Variants in ANKRD11 observed in about 807,000 individuals in gnomAD.
ANKRD11 encodes ankyrin repeat domain 11, also known as ankyrin repeat domain-containing protein 11.
ANKRD11 carries 17 observed loss-of-function variants against 195.7 expected under a neutral mutation model. That is an observed-to-expected ratio of 0.09 (90% CI 0.06 to 0.13). The LOEUF (loss-of-function observed/expected upper bound fraction) is 0.13. ANKRD11 is among the 10% of genes least tolerant of loss of function. The probability of loss-of-function intolerance (pLI) is 1.00; values close to 1 mark genes in which losing one functional copy is unlikely to be tolerated. For missense variants in ANKRD11, 3,735 were observed against 3,566.1 expected (o/e 1.05, Z -1.21); for synonymous variants, 1,953 against 1,528.1 (o/e 1.28, Z -6.49).
chr16:89,374,508 T>A (rs1000737401), intron 2 of ANKRD11, among the ~76,000 whole-genome samples: 9 of 152,208 alleles, frequency 5.9e-5, no homozygotes, highest in Non-Finnish European at 1.0e-4. Flanking sequence ...CCCTGCTCTG[T>A]GAGAGAATTC....
At position 89,341,962 on chromosome 16, in the gene ANKRD11, C is replaced by T. The variant is rs535834102; in HGVS notation, c.-59-24884G>A. On this transcript the variant is annotated intron_variant, in intron 2 of 12. Coordinates refer to ENST00000301030, the MANE Select transcript of ANKRD11 (RefSeq NM_013275.6). ...CCTCCTCCACGAACAGCAGCCACGG[C>T]CCATGGCAGGAGTGCTGCACCTCCA... Among the ~76,000 whole-genome samples the T allele has an allele frequency of 4.7e-5, 7 of 149,962 alleles. No individual in the cohort carries two copies. The East Asian group carries it at 1.4e-3, about 30-fold the overall frequency.
At chr16:89,310,767 T>C (rs1203882639) in intron 3 of ANKRD11, among the ~76,000 whole-genome samples, 3 of 152,268 alleles carry the variant, frequency 2.0e-5, no homozygotes, top group South Asian at 4.1e-4. Context: ...AATACACTTC[T>C]GCATAATGGG....
chr16:89,353,799 A>G (rs2039333112), intron 2 of ANKRD11, among the ~76,000 whole-genome samples: 1 of 152,168 alleles, frequency 6.6e-6, no homozygotes, highest in Non-Finnish European at 1.5e-5. Context: ...ATCTTATGGA[A>G]CATAATGTTT....
At chr16:89,413,021 C>T (rs752872917) in intron 2 of ANKRD11, among the ~76,000 whole-genome samples, 30 of 152,136 alleles carry the variant, frequency 2.0e-4, no homozygotes, top group African/African-American at 2.9e-4. Flanking sequence ...GTTCCAAACC[C>T]TCCCCCAGGC....
intron 1 of ANKRD11, among the ~76,000 whole-genome samples, chr16:89,436,011 C>A (rs913089476): frequency 3.3e-5 from 5 of 152,190 alleles, no homozygotes; most frequent in Non-Finnish European, 7.3e-5. Flanking sequence ...CTGCTGAGAG[C>A]AGAGGGTTTT....
At chr16:89,328,845 G>C (rs866944443) in intron 2 of ANKRD11, 1 of 126,694 alleles carries the variant, frequency 7.9e-6, no homozygotes, top group African/African-American at 3.2e-5. Context: ...ATACCCAGGA[G>C]CACGGGCGAA....
chr16:89,377,564 A>G (rs1220696708), intron 2 of ANKRD11, among the ~76,000 whole-genome samples: 1 of 152,208 alleles, frequency 6.6e-6, no homozygotes, highest in African/African-American at 2.4e-5. Context: ...AAATTAGAAG[A>G]CAACCTGGTG....
chr16:89,372,307 G>A (rs939252676), intron 2 of ANKRD11, among the ~76,000 whole-genome samples: 5 of 152,344 alleles, frequency 3.3e-5, no homozygotes, highest in Middle Eastern at 3.4e-3. Context: ...CGGAGGCGGC[G>A]GCAGCGCCCA....
chr16:89,449,770 G>A (rs1468663432), intron 1 of ANKRD11, among the ~76,000 whole-genome samples: 1 of 152,144 alleles, frequency 6.6e-6, no homozygotes, highest in Admixed American at 6.5e-5. Context: ...TCCAGCCTGG[G>A]CAACAAAAGC....
At chr16:89,482,705 T>C (rs376733410) in intron 1 of ANKRD11, among the ~76,000 whole-genome samples, 17 of 152,194 alleles carry the variant, frequency 1.1e-4, no homozygotes, top group East Asian at 7.7e-4. Flanking sequence ...GGCGGGAGGA[T>C]TGATTGAGCC....
Position 89,441,692 on chromosome 16 carries a change from A to G in ANKRD11, c.-144-23324T>C, listed in dbSNP as rs541514096. Among the ~76,000 whole-genome samples, 300 of 139,020 alleles carry G rather than the reference A, an allele frequency of 2.2e-3. 3 individuals are homozygous for G. Among genetic ancestry groups the G allele is most frequent in the Middle Eastern group, 0.015 (4 of 262 alleles). 91.2% of individuals were successfully genotyped at this position (139,020 alleles called of 152,430 possible). A position where few individuals can be genotyped will look rare whatever the true frequency, so the allele number is the denominator to read the frequency against. ...TGAGGCAGGAGAATGGCATGAACCC[A>G]GGAGGCGGACTATGCAGTGAGCCAA... On this transcript the variant is annotated intron_variant, in intron 1 of 12. Transcript: ENST00000301030.
At chr16:89,343,535 C>G (rs1597720593) in intron 2 of ANKRD11, 1 of 152,228 alleles carries the variant, frequency 6.6e-6, no homozygotes, top group Non-Finnish European at 1.5e-5. Flanking sequence ...TCGAGGTGGG[C>G]TGGAGGCATG....
chr16:89,385,737 T>C (rs188793638), intron 2 of ANKRD11, among the ~76,000 whole-genome samples: 1 of 152,380 alleles, frequency 6.6e-6, no homozygotes, highest in East Asian at 1.9e-4. Context: ...TCAGCACCAC[T>C]TTCACGTCTG....
intron 2 of ANKRD11, among the ~76,000 whole-genome samples, chr16:89,364,838 C>A (rs1353433774): frequency 1.2e-4 from 19 of 152,196 alleles, no homozygotes; most frequent in Non-Finnish European, 5.9e-5. Flanking sequence ...GCACCACGGC[C>A]AACCTGATCC....
rs943160633 is a variant in ANKRD11 at position 89,279,853 on chromosome 16, C to G, written c.6689G>C (p.Arg2230Thr). Residue 2230 changes from arginine (R) to threonine (T), a missense_variant, in exon 9 of 13, where the codon AGG becomes ACG. Coordinates refer to ENST00000301030, the MANE Select transcript of ANKRD11 (RefSeq NM_013275.6). The surrounding 1 kb of genome is among the most constrained non-coding windows in gnomAD (Gnocchi z 5.6). ...GCTGGAGTCCGGATCCCCACGGGCC[C>G]TCTCTTCCGGCACCGTCTCCGCCTC... ...AVEAETVPEERARGDPDSSVE... is the reference protein window; with the variant it reads ...AVEAETVPEETARGDPDSSVE... 6.4e-7 allele frequency: 1 copy of G among 1,553,102 alleles called. No homozygotes were observed. Among genetic ancestry groups the G allele is most frequent in the South Asian group, 1.2e-5 (1 of 85,016 alleles).
At chr16:89,312,800 C>T (rs1026800434) in intron 3 of ANKRD11, among the ~76,000 whole-genome samples, 1 of 152,226 alleles carries the variant, frequency 6.6e-6, no homozygotes, top group African/African-American at 2.4e-5. Context: ...AAACCACAGC[C>T]TGAGGTGGGA....
At chr16:89,369,215 G>C (rs2040085197) in intron 2 of ANKRD11, among the ~76,000 whole-genome samples, 1 of 152,156 alleles carries the variant, frequency 6.6e-6, no homozygotes, top group African/African-American at 2.4e-5. Flanking sequence ...AATCTTCAAA[G>C]GGCTGGTCTC....
intron 4 of ANKRD11, chr16:89,301,214 C>T (rs2035835171): frequency 2.4e-6 from 1 of 412,746 alleles, no homozygotes; most frequent in Non-Finnish European, 4.3e-6. Context: ...TCAAGGGATC[C>T]TCCCGCCAAA....
chr16:89,478,576 T>C (rs1001095489), intron 1 of ANKRD11, among the ~76,000 whole-genome samples: 1 of 152,124 alleles, frequency 6.6e-6, no homozygotes, highest in Admixed American at 6.5e-5. Context: ...ATCATACAAA[T>C]GTGTCCCTTT....
Sources: gnomAD v4.1 joint callset for allele counts (sites outside exome capture counted in the v4.1 genomes callset) on GRCh38, gnomAD v4.1.1 for gene constraint, Gnocchi (gnomAD v3.1) non-coding constraint, MANE v1.5 for transcripts, NCBI Gene and HGNC (gene_info 2026-07-23, HGNC 2026-07-21) for gene names.